Variants in USP7 observed in about 807,000 individuals in gnomAD.
USP7 encodes the protein ubiquitin specific peptidase 7, also known as ubiquitin C-terminal hydrolase 7.
A neutral mutation model predicts 162.9 loss-of-function variants in USP7; 9 were observed. That is an observed-to-expected ratio of 0.06 (90% CI 0.03 to 0.10). The LOEUF (loss-of-function observed/expected upper bound fraction) is 0.10, where lower values mean the gene tolerates loss of function less well. Among genes scored for constraint, USP7 ranks in the 10% least tolerant of loss-of-function variants. The probability of loss-of-function intolerance (pLI) is 1.00; values close to 1 mark genes in which losing one functional copy is unlikely to be tolerated. For missense variants in USP7, 715 were observed against 1,373.7 expected (o/e 0.52, Z 7.58); for synonymous variants, 562 against 475.9 (o/e 1.18, Z -2.35).
At chr16:8,916,638 A>G in intron 7 of USP7, 82 bp from the exon 8 acceptor site, 3 of 1,331,654 alleles carry the variant, frequency 2.3e-6, no homozygotes, top group Non-Finnish European at 3.1e-6. Context: ...TTGAAAACCT[A>G]AACTGGATAA....
At chr16:8,916,962 C>T in intron 7 of USP7, 64 bp downstream of exon 7, 2 of 1,413,956 alleles carry the variant, frequency 1.4e-6, no homozygotes, top group African/African-American at 1.7e-5. Context: ...TCTCTACTCA[C>T]TTGTCCTAAA....
chr16:8,944,232 CAA>C (rs36002655), intron 1 of USP7, among the ~76,000 whole-genome samples: 27 of 147,078 alleles, frequency 1.8e-4, no homozygotes, highest in African/African-American at 4.0e-4. Flanking sequence ...AACAGAGGTG[CAA>C]AAAAAAAAAA....
At chr16:8,922,542 A>C (rs1897754900) in intron 3 of USP7, among the ~76,000 whole-genome samples, 2 of 152,294 alleles carry the variant, frequency 1.3e-5, no homozygotes, top group East Asian at 1.9e-4. Flanking sequence ...TCTGGGGAAC[A>C]TGTTACTGAG....
intron 1 of USP7, among the ~76,000 whole-genome samples, chr16:8,942,885 T>G (rs529939499): frequency 6.5e-4 from 99 of 152,320 alleles, no homozygotes; most frequent in African/African-American, 2.1e-3. Context: ...TTTGGCCATA[T>G]GCACCCTCAT....
intron 1 of USP7, among the ~76,000 whole-genome samples, chr16:8,930,776 C>A (rs1293615854): frequency 3.9e-5 from 6 of 152,142 alleles, no homozygotes; most frequent in Admixed American, 1.3e-4. Context: ...CGAGACCAGG[C>A]TGGCCAACAT....
chr16:8,898,247 C>T lies in USP7; in HGVS notation c.2718+113G>A, dbSNP rs773465981. The T allele has an allele frequency of 7.6e-6, 7 of 917,178 alleles. No individual in the cohort carries two copies. In the Admixed American group the frequency reaches 9.0e-5, roughly 12 times the overall value. The allele number at this position is 917,178 out of a possible 1,614,324, so 56.8% of individuals were successfully genotyped here. A position where few individuals can be genotyped will look rare whatever the true frequency, so the allele number is the denominator to read the frequency against. On this transcript the variant is annotated intron_variant, in intron 25 of 30. Coordinates refer to ENST00000344836, the MANE Select transcript of USP7 (RefSeq NM_003470.3). ...GGGCTCCCCCAGCCCCCATCATGTG[C>T]TGTTGTTTAGAGTGTTTTTCTGTGG...
intron 10 of USP7, among the ~76,000 whole-genome samples, chr16:8,914,595 G>C (rs2062000011): frequency 6.6e-6 from 1 of 152,186 alleles, no homozygotes; most frequent in Admixed American, 6.6e-5. Flanking sequence ...CTCCCAGCGT[G>C]GATGTATCTC....
At chr16:8,924,448 G>C (rs1439762093) in intron 2 of USP7, among the ~76,000 whole-genome samples, 2 of 152,250 alleles carry the variant, frequency 1.3e-5, no homozygotes, top group Admixed American at 1.3e-4. Context: ...GCCACACCAA[G>C]GGCCAAGCTC....
rs755489752 is a variant in USP7, at chr16:8,899,203, G to C, written c.2464-15C>G. On this transcript the variant is annotated splice_polypyrimidine_tract_variant and intron_variant, in intron 22 of 30. Coordinates refer to ENST00000344836, the MANE Select transcript of USP7 (RefSeq NM_003470.3). ...GTCTTTGCAACCTAAGACACAGAAA[G>C]GAAGGTTCACATTTTGGGGAAAAAT... 6.2e-7 allele frequency: 1 copy of C among 1,612,838 alleles called. No homozygotes were observed. The highest frequency in any genetic ancestry group is 1.1e-5 in the South Asian group (1 of 90,612).
intron 1 of USP7, among the ~76,000 whole-genome samples, chr16:8,945,774 G>A (rs1899248436): frequency 6.6e-6 from 1 of 152,080 alleles, no homozygotes; most frequent in South Asian, 2.1e-4. Flanking sequence ...GATCCACTGG[G>A]TGTGGTGGCT....
chr16:8,924,084 T>A (rs1025616902), intron 2 of USP7, among the ~76,000 whole-genome samples: 4 of 152,222 alleles, frequency 2.6e-5, no homozygotes, highest in African/African-American at 9.6e-5. Context: ...AAAGGCTGAT[T>A]TAAGATATTT....
intron 1 of USP7, among the ~76,000 whole-genome samples, chr16:8,961,504 A>AG (rs71155425): frequency 0.13 from 8,096 of 60,276 alleles, 1,003 homozygotes; most frequent in Non-Finnish European, 0.18. Context: ...AAAAAAAAAA[A>AG]GGGGGGGGGG....
At chr16:8,932,749 C>A (rs1435627688) in intron 1 of USP7, among the ~76,000 whole-genome samples, 2 of 152,076 alleles carry the variant, frequency 1.3e-5, no homozygotes, top group Non-Finnish European at 2.9e-5. Flanking sequence ...GTGACTGGCC[C>A]TAGAAAGTGG....
At position 8,921,878 on chromosome 16, in the gene USP7, C is replaced by G. The variant is rs1897712056; in HGVS notation, c.384-583G>C. Among the ~76,000 whole-genome samples the G allele has an allele frequency of 1.3e-5, 2 of 152,126 alleles. 1 individual carries two copies. The highest frequency in any genetic ancestry group is 4.1e-4 in the South Asian group (2 of 4,824). ...AAAACCATACATACAGCACTTAAGC[C>G]AAAGAAAGTTAAGGTTTGCGATTTA... On this transcript the variant is annotated intron_variant, in intron 3 of 30. Coordinates refer to ENST00000344836, the MANE Select transcript of USP7 (RefSeq NM_003470.3).
chr16:8,923,352 A>G lies in USP7; in HGVS notation c.246T>C (p.Ser82=). The change falls in exon 3 of 31, where the codon AGT becomes AGC. Residue 82 remains serine (S), a synonymous_variant. Transcript: ENST00000344836. ...AACACGGAGGGCTAAGGACCGACTC[A>G]CTCAGTCTGCTGAAGCGCTCCACAG... ...QFTVERFSRL[S]ESVLSPPCFV... is the part of the protein sequence containing the mutation. 1.9e-6 allele frequency: 3 copies of G among 1,614,136 alleles called. No individual in the cohort carries two copies. The highest frequency in any genetic ancestry group is 2.2e-5 in the South Asian group (2 of 91,080).
chr16:8,934,375 G>C (rs1744794178), intron 1 of USP7, among the ~76,000 whole-genome samples: 1 of 152,114 alleles, frequency 6.6e-6, no homozygotes, highest in Non-Finnish European at 1.5e-5. Flanking sequence ...GGCTTGTTTG[G>C]GTGACTTGAG....
At chr16:8,902,530 T>G (rs1567210764) in intron 16 of USP7, 48 bp from the exon 17 acceptor site, 2 of 1,518,742 alleles carry the variant, frequency 1.3e-6, no homozygotes, top group South Asian at 2.3e-5. Context: ...CGCTCATATT[T>G]TAGTCCTCTA....
chr16:8,924,995 A>G (rs1897911403), intron 2 of USP7, among the ~76,000 whole-genome samples: 1 of 152,224 alleles, frequency 6.6e-6, no homozygotes, highest in Admixed American at 6.5e-5. Context: ...GAAGTCTACT[A>G]AAAGGCAAGA....
chr16:8,899,887 T>C, intron 21 of USP7, 130 bp from the exon 22 acceptor site: 1 of 1,140,368 alleles, frequency 8.8e-7, no homozygotes, highest in Non-Finnish European at 1.3e-6. Context: ...AGGTTCCCCT[T>C]TGAGGGGGCC....
Sources: allele counts gnomAD v4.1 joint callset (sites outside exome capture counted in the v4.1 genomes callset), GRCh38; gene constraint gnomAD v4.1.1; transcripts MANE v1.5; gene names NCBI Gene and HGNC (gene_info 2026-07-23, HGNC 2026-07-21).